FRY: variants seen among roughly 807,000 people sequenced by gnomAD.
The protein encoded by FRY is FRY microtubule binding protein.
In FRY, 128 loss-of-function variants were observed where a neutral mutation model predicts 348.4. That is an observed-to-expected ratio of 0.37 (90% CI 0.32 to 0.43). The LOEUF (loss-of-function observed/expected upper bound fraction) is 0.43, where lower values mean the gene tolerates loss of function less well. FRY is among the 20% of genes least tolerant of loss of function. FRY has a pLI of 1.00. For synonymous variants in FRY, 1,370 were observed against 1,374.7 expected (o/e 1.00, Z 0.08); for missense variants, 2,736 against 3,695.2 (o/e 0.74, Z 6.73).
chr13:32,053,997 A>T (rs1593563358), intron 1 of FRY, among the ~76,000 whole-genome samples: 1 of 147,872 alleles, frequency 6.8e-6, no homozygotes, highest in East Asian at 2.0e-4. Flanking sequence ...CTCAAAAAAA[A>T]TTAAAAATAA....
intron 42 of FRY, 89 bp downstream of exon 42, chr13:32,234,850 A>G: frequency 9.4e-7 from 1 of 1,061,048 alleles, no homozygotes; most frequent in Non-Finnish European, 1.5e-6. Flanking sequence ...TCTTCTGTCA[A>G]CAATTATTCC....
intron 4 of FRY, among the ~76,000 whole-genome samples, chr13:32,122,961 T>A (rs1229484505): frequency 8.2e-6 from 1 of 122,318 alleles, no homozygotes; most frequent in Admixed American, 7.9e-5. Context: ...TAAAATAAAA[T>A]ACTTAGGAAT....
At chr13:32,260,344 T>A (rs1887563960) in intron 51 of FRY, among the ~76,000 whole-genome samples, 1 of 152,238 alleles carries the variant, frequency 6.6e-6, no homozygotes, top group African/African-American at 2.4e-5. Context: ...TCAGATCATT[T>A]GTTTAGGTTA....
At chr13:32,295,141 A>T (rs963231716) in intron 60 of FRY, 61 bp from the exon 61 acceptor site, 5 of 1,509,760 alleles carry the variant, frequency 3.3e-6, no homozygotes, top group Non-Finnish European at 4.6e-6. Flanking sequence ...ATGAAGACTC[A>T]TAAGCTCCCA....
Position 32,047,580 on chromosome 13 carries a change from T to TG in FRY, c.70+15715_70+15716insG, listed in dbSNP as rs1341070669. Among the ~76,000 whole-genome samples the TG allele has an allele frequency of 2.0e-3, 251 of 122,582 alleles. 2 individuals are homozygous for TG. The highest frequency in any genetic ancestry group is 3.8e-3 in the Non-Finnish European group (195 of 51,046). 80.4% of individuals were successfully genotyped at this position (122,582 alleles called of 152,430 possible). On this transcript the variant is annotated intron_variant, in intron 1 of 60. Coordinates refer to ENST00000542859, the MANE Select transcript of FRY (RefSeq NM_023037.3). ...TTTTTTTCTTTTCTTTTCTTTTTTT[T>TG]TGGGGGGGGTGCAGAGTTTCACTCT...
chr13:32,133,741 CTCTT>C (rs923293052), intron 8 of FRY, among the ~76,000 whole-genome samples: 17 of 139,188 alleles, frequency 1.2e-4, no homozygotes, highest in African/African-American at 4.5e-4. Flanking sequence ...TAGCCTTGGA[CTCTT>C]TCTTTTCTTT....
chr13:32,179,050 C>CAGA lies in FRY; in HGVS notation c.2871+22_2871+24dup. On this transcript the variant is annotated intron_variant, in intron 22 of 60. Transcript: ENST00000542859. ...GATAACAAGGTGACATGACATGCTTCAGAAGAATTATTCTGTAAGGTTTTT... is the reference window on the plus strand; with the variant it reads ...GATAACAAGGTGACATGACATGCTTCAGAAGAAGAATTATTCTGTAAGGTTTTT... 6.3e-7 allele frequency: 1 copy of CAGA among 1,598,860 alleles called. No individual in the cohort carries two copies. Among genetic ancestry groups the CAGA allele is most frequent in the Non-Finnish European group, 8.6e-7 (1 of 1,166,328 alleles).
chr13:32,240,826 A>G (rs1886459701), intron 46 of FRY, among the ~76,000 whole-genome samples: 1 of 152,182 alleles, frequency 6.6e-6, no homozygotes, highest in African/African-American at 2.4e-5. Context: ...TATTTATATC[A>G]TCAATCCAGA....
chr13:32,241,295 G>A (rs1423314983), intron 46 of FRY, among the ~76,000 whole-genome samples: 2 of 152,180 alleles, frequency 1.3e-5, no homozygotes, highest in African/African-American at 4.8e-5. Flanking sequence ...CAAATTGTAC[G>A]TAGCATATAT....
intron 1 of FRY, among the ~76,000 whole-genome samples, chr13:32,076,248 C>G (rs1193948052): frequency 1.3e-5 from 2 of 152,138 alleles, no homozygotes; most frequent in Non-Finnish European, 2.9e-5. Flanking sequence ...TATATCAACC[C>G]AATTATTGCT....
chr13:32,194,011 T>A, intron 28 of FRY, 132 bp from the exon 29 acceptor site: 1 of 908,624 alleles, frequency 1.1e-6, no homozygotes, highest in Non-Finnish European at 1.8e-6. Context: ...ATATATGACA[T>A]AAAAACCAAA....
At chr13:32,230,488 G>A (rs940247723) in intron 40 of FRY, among the ~76,000 whole-genome samples, 3 of 152,124 alleles carry the variant, frequency 2.0e-5, no homozygotes, top group African/African-American at 4.8e-5. Context: ...TCCCTCCAAA[G>A]GATATAATCT....
Position 32,172,353 on chromosome 13 carries a change from A to G in FRY, c.2152-1014A>G, listed in dbSNP as rs949640894. Among the ~76,000 whole-genome samples, 22 of 152,280 alleles carry G rather than the reference A, an allele frequency of 1.4e-4. 1 individual carries two copies. The highest frequency in any genetic ancestry group is 1.2e-3 in the Admixed American group (18 of 15,292). The stretch of plus-strand genomic sequence containing the variant: ...GGTGTGGATGTAGATATGGATGTAC[A>G]TATTGATATGGATATGGATGTGGAT... On this transcript the variant is annotated intron_variant, in intron 18 of 60. Coordinates refer to ENST00000542859, the MANE Select transcript of FRY (RefSeq NM_023037.3).
rs755443439 is a variant in FRY, at chr13:32,237,786, A to T, written c.6218A>T (p.His2073Leu). 1 of 1,614,196 alleles carries T rather than the reference A, an allele frequency of 6.2e-7. No homozygotes were observed. The highest frequency in any genetic ancestry group is 1.1e-5 in the South Asian group (1 of 91,078). The change falls in exon 44 of 61, where the codon CAT becomes CTT. Residue 2073 changes from histidine (H) to leucine (L), a missense_variant. His to Leu is a moderately conservative substitution (Grantham distance 99). Transcript: ENST00000542859. The surrounding 1 kb of genome is among the most constrained non-coding windows in gnomAD (Gnocchi z 6.3). The stretch of plus-strand genomic sequence containing the variant: ...AGGCTGTTGAGCAGACTACTGGCAC[A>T]TATGCCACTCGATAAGGCTGAGAAC... ...ALRLLSRLLA[H>L]MPLDKAENRE...
intron 46 of FRY, among the ~76,000 whole-genome samples, chr13:32,241,119 G>A (rs1014851009): frequency 2.0e-5 from 3 of 152,214 alleles, no homozygotes; most frequent in African/African-American, 4.8e-5. Context: ...CCCTGCAAGA[G>A]TTAACTAAGC....
chr13:32,194,506 G>T (rs2138298280), intron 29 of FRY, among the ~76,000 whole-genome samples: 1 of 152,274 alleles, frequency 6.6e-6, no homozygotes, highest in African/African-American at 2.4e-5. Context: ...ATGATTTGTT[G>T]TTATAGTACC....
intron 36 of FRY, among the ~76,000 whole-genome samples, chr13:32,219,529 C>A (rs1366604408): frequency 6.6e-6 from 1 of 150,648 alleles, no homozygotes; most frequent in Non-Finnish European, 1.5e-5. Context: ...GAGGCCGAGG[C>A]GGGTGGATCA....
At chr13:32,195,670 T>A (rs1354575080) in intron 29 of FRY, among the ~76,000 whole-genome samples, 1 of 152,214 alleles carries the variant, frequency 6.6e-6, no homozygotes, top group Non-Finnish European at 1.5e-5. Context: ...CACAAATAAG[T>A]GCTTAATAAA....
At chr13:32,069,865 A>ACCCCCCCCCCC (rs1874514694) in intron 1 of FRY, among the ~76,000 whole-genome samples, 4 of 142,366 alleles carry the variant, frequency 2.8e-5, no homozygotes, top group South Asian at 2.4e-4. Flanking sequence ...CCTCCCCCAG[A>ACCCCCCCCCCC]CCCCCACCCC....
Sources: allele counts gnomAD v4.1 joint callset (sites outside exome capture counted in the v4.1 genomes callset), GRCh38; gene constraint gnomAD v4.1.1; non-coding constraint Gnocchi (gnomAD v3.1); transcripts MANE v1.5; gene names NCBI Gene and HGNC (gene_info 2026-07-23, HGNC 2026-07-21).